Variants in SLC49A4 observed in about 807,000 individuals in gnomAD.
SLC49A4 encodes the protein disrupted in renal cancer protein 2.
In SLC49A4, 36 loss-of-function variants were observed where a neutral mutation model predicts 50.6. The ratio of observed to expected loss-of-function variants is 0.71; its 90% CI spans 0.55 to 0.94. SLC49A4 has a LOEUF of 0.94. SLC49A4 is among the 40% of genes least tolerant of loss of function. The probability of loss-of-function intolerance (pLI) is 0.00; values close to 1 mark genes in which losing one functional copy is unlikely to be tolerated. For synonymous variants in SLC49A4, 248 were observed against 241.2 expected (o/e 1.03, Z -0.26); for missense variants, 503 against 605.7 (o/e 0.83, Z 1.78).
intron 4 of SLC49A4, among the ~76,000 whole-genome samples, chr3:122,835,333 C>G (rs1019245426): frequency 1.3e-5 from 2 of 152,134 alleles, no homozygotes; most frequent in African/African-American, 4.8e-5. Context: ...AAGAAAACTA[C>G]AGGCCAATAG....
intron 2 of SLC49A4, among the ~76,000 whole-genome samples, chr3:122,810,971 T>A (rs369800944): frequency 9.2e-5 from 14 of 152,250 alleles, no homozygotes; most frequent in African/African-American, 3.4e-4. Flanking sequence ...TAATGAATCA[T>A]AAAAGTATTA....
chr3:122,866,809 G>T (rs997431560), intron 7 of SLC49A4, among the ~76,000 whole-genome samples: 6 of 151,720 alleles, frequency 4.0e-5, no homozygotes, highest in Admixed American at 1.3e-4. Context: ...ATCATAGATT[G>T]CTAGGGTCCT....
chr3:122,806,271 C>T (rs899309164), intron 1 of SLC49A4, among the ~76,000 whole-genome samples: 17 of 152,230 alleles, frequency 1.1e-4, no homozygotes, highest in African/African-American at 2.9e-4. Context: ...TATATCTGAA[C>T]GGAACATTTT....
chr3:122,841,424 CATTG>C (rs1936767629), intron 4 of SLC49A4, among the ~76,000 whole-genome samples: 1 of 152,162 alleles, frequency 6.6e-6, no homozygotes, highest in African/African-American at 2.4e-5. Context: ...TGAATCCATT[CATTG>C]ACGCCAATAT....
intron 2 of SLC49A4, among the ~76,000 whole-genome samples, chr3:122,811,069 A>G (rs1262902659): frequency 6.6e-6 from 1 of 152,246 alleles, no homozygotes; most frequent in Admixed American, 6.5e-5. Context: ...AAGCCTTGAT[A>G]TATTTGACTA....
chr3:122,811,840 T>C (rs1275110363), intron 2 of SLC49A4, among the ~76,000 whole-genome samples: 3 of 152,100 alleles, frequency 2.0e-5, no homozygotes, highest in Non-Finnish European at 4.4e-5. Context: ...TGGAAAAAAA[T>C]GGGAAGGGTA....
intron 5 of SLC49A4, among the ~76,000 whole-genome samples, chr3:122,847,710 G>T (rs6784004): frequency 6.6e-6 from 1 of 151,902 alleles, no homozygotes; most frequent in African/African-American, 2.4e-5. Context: ...ACCCCTATTT[G>T]GCTGGGTGTG....
intron 2 of SLC49A4, among the ~76,000 whole-genome samples, chr3:122,809,917 G>T (rs1010979628): frequency 6.6e-6 from 1 of 152,168 alleles, no homozygotes; most frequent in African/African-American, 2.4e-5. Context: ...CTTTTAAGCA[G>T]TGTTGTTAAC....
chr3:122,808,808 G>A (rs1936259325), intron 2 of SLC49A4, among the ~76,000 whole-genome samples: 1 of 152,226 alleles, frequency 6.6e-6, no homozygotes, highest in Non-Finnish European at 1.5e-5. Context: ...GGCAGTGGGA[G>A]TGGTGAGAAG....
At chr3:122,877,677 C>T (rs7629139) in intron 8 of SLC49A4, among the ~76,000 whole-genome samples, 136,712 of 152,164 alleles carry the variant, frequency 0.9, 62,229 homozygotes, top group Non-Finnish European at 0.99. Context: ...GAAGTCCAAG[C>T]TCTCCCTTTT....
intron 7 of SLC49A4, among the ~76,000 whole-genome samples, chr3:122,871,558 C>T (rs921059543): frequency 2.0e-5 from 3 of 151,882 alleles, no homozygotes; most frequent in East Asian, 1.9e-4. Context: ...AAATTCTACT[C>T]ATTATTATCG....
At position 122,814,767 on chromosome 3, in the gene SLC49A4, A is replaced by T. The variant is rs554679897; in HGVS notation, c.437+7817A>T. On this transcript the variant is annotated intron_variant, in intron 2 of 8. Transcript: ENST00000261038. ...TTCTTAAAACATTTTTTTGTGTGAC[A>T]TTTTTTTGTGAGTTTTTTTGTGTGA... 5.3e-5 allele frequency among the ~76,000 whole-genome samples: 8 copies of T among 150,926 alleles called. No homozygotes were observed. The East Asian group carries it at 1.4e-3, about 26-fold the overall frequency.
At chr3:122,838,384 T>G (rs1030039177) in intron 4 of SLC49A4, among the ~76,000 whole-genome samples, 10 of 151,872 alleles carry the variant, frequency 6.6e-5, no homozygotes, top group South Asian at 4.1e-4. Context: ...CCATAAAAAA[T>G]GATGAGTTCA....
chr3:122,821,604 C>G (rs1936453871), intron 2 of SLC49A4, among the ~76,000 whole-genome samples: 1 of 152,164 alleles, frequency 6.6e-6, no homozygotes. Flanking sequence ...AGGCAAGAGT[C>G]AGACCCCTTG....
chr3:122,873,932 G>T (rs985630884), intron 8 of SLC49A4, among the ~76,000 whole-genome samples: 3 of 152,192 alleles, frequency 2.0e-5, no homozygotes, highest in Non-Finnish European at 4.4e-5. Context: ...ATCCCCCCTG[G>T]GATGGTAGAA....
intron 1 of SLC49A4, among the ~76,000 whole-genome samples, chr3:122,798,970 T>A (rs908384376): frequency 6.6e-6 from 1 of 152,072 alleles, no homozygotes; most frequent in Non-Finnish European, 1.5e-5. Context: ...GGAGACTGTT[T>A]ATCTTCCTAA....
intron 8 of SLC49A4, 95 bp downstream of exon 8, chr3:122,872,692 C>T (rs1219338999): frequency 2.6e-5 from 21 of 812,544 alleles, no homozygotes; most frequent in Non-Finnish European, 3.7e-5. Context: ...GAAGTCTCAC[C>T]AAGGCAAATT....
chr3:122,851,819 C>T (rs1448099788), intron 5 of SLC49A4, among the ~76,000 whole-genome samples: 1 of 151,884 alleles, frequency 6.6e-6, no homozygotes, highest in Non-Finnish European at 1.5e-5. Context: ...CCTTTCTTTT[C>T]TTCTCCCACC....
intron 5 of SLC49A4, among the ~76,000 whole-genome samples, chr3:122,855,665 G>A (rs1164769829): frequency 6.6e-6 from 1 of 152,166 alleles, no homozygotes; most frequent in African/African-American, 2.4e-5. Context: ...TCATCAGTTA[G>A]TAATAATAAG....
Sources: allele counts gnomAD v4.1 joint callset (sites outside exome capture counted in the v4.1 genomes callset), GRCh38; gene constraint gnomAD v4.1.1; transcripts MANE v1.5; gene names NCBI Gene and HGNC (gene_info 2026-07-23, HGNC 2026-07-21).